MTMR2: variants seen among roughly 807,000 people sequenced by gnomAD.
MTMR2 encodes the protein myotubularin related protein 2, also known as phosphatidylinositol-3,5-bisphosphate 3-phosphatase MTMR2.
A neutral mutation model predicts 86.9 loss-of-function variants in MTMR2; 55 were observed. The observed-to-expected ratio is 0.63, with a 90% CI of 0.51 to 0.79. The LOEUF is 0.79. Ranked by LOEUF, MTMR2 falls within the 30% of genes least tolerant of loss-of-function variation. MTMR2 has a pLI of 0.00. For missense variants in MTMR2, 659 were observed against 772.3 expected (o/e 0.85, Z 1.74); for synonymous variants, 241 against 266.8 (o/e 0.90, Z 0.94).
intron 11 of MTMR2, among the ~76,000 whole-genome samples, chr11:95,843,320 G>GT (rs767046228): frequency 2.2e-4 from 33 of 152,100 alleles, no homozygotes; most frequent in Non-Finnish European, 4.4e-4. Flanking sequence ...GAAGATCTGT[G>GT]TAACTCAATA....
rs1241492378 is a variant in MTMR2 at position 95,845,151 on chromosome 11, A to G, written c.1188T>C (p.Leu396=). Residue 396 remains leucine (L), a synonymous_variant, in exon 11 of 15, where the codon CTT becomes CTC. Coordinates refer to ENST00000346299, the MANE Select transcript of MTMR2 (RefSeq NM_016156.6). ...THWLEHIKLI[L]AGALRIADKV... ...TGTCAGCAATCCTAAGAGCCCCTGC[A>G]AGAATAAGCTGGAAAACAGATTTTT... is the stretch of plus-strand genomic sequence containing the variant. The G allele has an allele frequency of 5.0e-6, 8 of 1,613,754 alleles. No individual in the cohort carries two copies. The highest frequency in any genetic ancestry group is 6.8e-6 in the Non-Finnish European group (8 of 1,179,766).
chr11:95,865,520 T>G, intron 3 of MTMR2, 81 bp downstream of exon 3: 1 of 1,315,988 alleles, frequency 7.6e-7, no homozygotes, highest in Non-Finnish European at 1.1e-6. Context: ...ACAGCCAGTT[T>G]ATTCTCTGTA....
intron 10 of MTMR2, among the ~76,000 whole-genome samples, chr11:95,847,332 G>C (rs1248953822): frequency 6.6e-6 from 1 of 152,142 alleles, no homozygotes; most frequent in Admixed American, 6.6e-5. Context: ...TACGTTGGTT[G>C]ACACACAAAA....
In MTMR2 at chr11:95,833,408, G is replaced by GTAAA. The variant is rs1221528351; in HGVS notation, c.*1878_*1881dup. ...TCAAATATTTAAAAGTTTTGCTTGTGTAAATATATAAAAAGGGCTAGTATT... is the reference window on the plus strand; with the variant it reads ...TCAAATATTTAAAAGTTTTGCTTGTGTAAATAAATATATAAAAAGGGCTAGTATT... On this transcript the variant is annotated 3_prime_UTR_variant, in exon 15 of 15. Coordinates refer to ENST00000346299, the MANE Select transcript of MTMR2 (RefSeq NM_016156.6). The GTAAA allele has an allele frequency of 6.6e-6, 1 of 152,074 alleles. No individual in the cohort carries two copies. The highest frequency in any genetic ancestry group is 1.9e-4 in the East Asian group (1 of 5,200). The allele number at this position is 152,074 out of a possible 1,614,324, so 9.4% of individuals were successfully genotyped here. A position where few individuals can be genotyped will look rare whatever the true frequency, so the allele number is the denominator to read the frequency against.
At position 95,862,121 on chromosome 11, in the gene MTMR2, A is replaced by T. The variant is rs1864444852; in HGVS notation, c.358-19T>A. The T allele has an allele frequency of 1.3e-6, 2 of 1,599,616 alleles. No homozygotes were observed. The highest frequency in any genetic ancestry group is 1.3e-5 in the African/African-American group (1 of 74,588). On this transcript the variant is annotated intron_variant, in intron 4 of 14. Coordinates refer to ENST00000346299, the MANE Select transcript of MTMR2 (RefSeq NM_016156.6). ...GGGGATCCTAAAGAAGGAAAGAAAA[A>T]ATAATTAAAACTGAGCAATTAATAC...
At chr11:95,844,060 G>C (rs1036257049) in intron 11 of MTMR2, among the ~76,000 whole-genome samples, 1 of 152,114 alleles carries the variant, frequency 6.6e-6, no homozygotes, top group Non-Finnish European at 1.5e-5. Context: ...TAGGTAAAAA[G>C]AACGGGGGGA....
intron 1 of MTMR2, among the ~76,000 whole-genome samples, chr11:95,898,573 A>G (rs900011492): frequency 6.6e-6 from 1 of 152,140 alleles, no homozygotes. Context: ...TGAGAAAGAG[A>G]AACAAATCCC....
intron 5 of MTMR2, among the ~76,000 whole-genome samples, chr11:95,861,145 G>A (rs1232304244): frequency 2.2e-5 from 3 of 139,330 alleles, no homozygotes; most frequent in Non-Finnish European, 3.0e-5. Flanking sequence ...GCGAGACTCC[G>A]TCTCAAAAAA....
chr11:95,910,122 T>TGCAC (rs1866440634), intron 1 of MTMR2, among the ~76,000 whole-genome samples: 2 of 131,742 alleles, frequency 1.5e-5, no homozygotes, highest in Non-Finnish European at 1.8e-5. Flanking sequence ...CACGCACGCA[T>TGCAC]GCACGCACAC....
chr11:95,915,953 AT>A (rs1385476140), intron 1 of MTMR2, among the ~76,000 whole-genome samples: 5 of 152,122 alleles, frequency 3.3e-5, no homozygotes, highest in African/African-American at 4.8e-5. Flanking sequence ...CCAGATTAGG[AT>A]TATAAAAATC....
At chr11:95,848,536 A>G (rs969195822) in intron 9 of MTMR2, among the ~76,000 whole-genome samples, 1 of 152,222 alleles carries the variant, frequency 6.6e-6, no homozygotes, top group African/African-American at 2.4e-5. Flanking sequence ...AAAATAAGCT[A>G]TGGCTAGAAA....
chr11:95,850,771 A>G, intron 7 of MTMR2, 22 bp from the exon 8 acceptor site: 1 of 1,610,236 alleles, frequency 6.2e-7, no homozygotes, highest in Non-Finnish European at 8.5e-7. Context: ...ATGAAACATA[A>G]GACAAATTAC....
intron 5 of MTMR2, 40 bp from the exon 6 acceptor site, chr11:95,858,672 A>G (rs377177421): frequency 4.8e-6 from 6 of 1,262,844 alleles, no homozygotes; most frequent in African/African-American, 4.4e-5. Flanking sequence ...ATTGTTCACT[A>G]CTTACTTAAA....
chr11:95,890,176 C>T (rs1048713783), intron 1 of MTMR2, among the ~76,000 whole-genome samples: 3 of 151,990 alleles, frequency 2.0e-5, no homozygotes, highest in Admixed American at 6.6e-5. Flanking sequence ...TACTATTATA[C>T]AAAAAAGCAG....
intron 2 of MTMR2, 47 bp downstream of exon 2, chr11:95,888,109 T>C (rs1019415799): frequency 5.8e-6 from 8 of 1,370,362 alleles, no homozygotes; most frequent in Admixed American, 3.4e-5. Flanking sequence ...TGGCCACAAA[T>C]ATTTAACAGA....
intron 7 of MTMR2, among the ~76,000 whole-genome samples, chr11:95,851,318 T>C (rs781540644): frequency 6.6e-6 from 1 of 151,682 alleles, no homozygotes; most frequent in African/African-American, 2.4e-5. Context: ...GCTGTGATTA[T>C]AGGCATGAGC....
intron 2 of MTMR2, among the ~76,000 whole-genome samples, chr11:95,874,793 G>A (rs1180176951): frequency 1.3e-5 from 2 of 152,224 alleles, no homozygotes; most frequent in South Asian, 2.1e-4. Context: ...AGGCCTGGCG[G>A]TGACAAAAAT....
At chr11:95,923,561 T>A in intron 1 of MTMR2, 1 of 757,338 alleles carries the variant, frequency 1.3e-6, no homozygotes, top group Non-Finnish European at 1.8e-6. Flanking sequence ...CGGGGGGAAC[T>A]GTCTTAAAAA....
At chr11:95,852,170 C>G (rs975783956) in intron 7 of MTMR2, among the ~76,000 whole-genome samples, 2 of 152,174 alleles carry the variant, frequency 1.3e-5, no homozygotes, top group Non-Finnish European at 2.9e-5. Flanking sequence ...TCTTTACACC[C>G]AAACACACAG....
Sources: allele counts gnomAD v4.1 joint callset (sites outside exome capture counted in the v4.1 genomes callset), GRCh38; gene constraint gnomAD v4.1.1; transcripts MANE v1.5; gene names NCBI Gene and HGNC (gene_info 2026-07-23, HGNC 2026-07-21).